The following KAZN variants were observed in gnomAD, a reference collection of about 807,000 sequenced individuals.
KAZN encodes the protein kazrin, periplakin interacting protein, also known as kazrin.
In KAZN, 40 loss-of-function variants were observed where a neutral mutation model predicts 87.4. The ratio of observed to expected loss-of-function variants is 0.46; its 90% CI spans 0.36 to 0.60. The LOEUF (loss-of-function observed/expected upper bound fraction) is 0.60. Ranked by LOEUF, KAZN falls within the 20% of genes least tolerant of loss-of-function variation. The pLI, the probability that KAZN is intolerant of heterozygous loss-of-function variation, is 0.00. For missense variants in KAZN, 898 were observed against 1,073.9 expected (o/e 0.84, Z 2.29); for synonymous variants, 466 against 458.3 (o/e 1.02, Z -0.22).
chr1:14,440,781 C>G (rs1489445706), intron 2 of KAZN, among the ~76,000 whole-genome samples: 1 of 152,190 alleles, frequency 6.6e-6, no homozygotes, highest in Non-Finnish European at 1.5e-5. Flanking sequence ...TGAAGCCTGT[C>G]CTGGTCACCT....
intron 2 of KAZN, among the ~76,000 whole-genome samples, chr1:14,326,942 G>A (rs1293473359): frequency 1.3e-5 from 2 of 152,012 alleles, no homozygotes; most frequent in Admixed American, 6.6e-5. Flanking sequence ...TGCACTCATA[G>A]TACATAGTTA....
At chr1:13,906,987 A>G (rs1477320944) in intron 1 of KAZN, among the ~76,000 whole-genome samples, 1 of 152,230 alleles carries the variant, frequency 6.6e-6, no homozygotes, top group Non-Finnish European at 1.5e-5. Context: ...GCAAAGTGAA[A>G]TACCCAGTGT....
intron 2 of KAZN, among the ~76,000 whole-genome samples, chr1:14,426,765 T>C (rs759316138): frequency 3.9e-5 from 6 of 152,046 alleles, no homozygotes; most frequent in Non-Finnish European, 5.9e-5. Flanking sequence ...GCTGAGAAGG[T>C]CAGAGCTAGG....
intron 1 of KAZN, among the ~76,000 whole-genome samples, chr1:13,903,832 A>G (rs1468250513): frequency 1.3e-5 from 2 of 152,132 alleles, no homozygotes; most frequent in Non-Finnish European, 2.9e-5. Flanking sequence ...GCTCTTAGCT[A>G]CTTGAAAAGA....
intron 1 of KAZN, among the ~76,000 whole-genome samples, chr1:14,798,508 AGCTCC>A (rs1399295033): frequency 4.6e-5 from 2 of 43,672 alleles, no homozygotes; most frequent in Non-Finnish European, 7.1e-5. Context: ...GCTCACTGCA[AGCTCC>A]ACTTTCCACT....
chr1:14,632,830 G>C (rs1009033826), intron 1 of KAZN, among the ~76,000 whole-genome samples: 1 of 152,094 alleles, frequency 6.6e-6, no homozygotes, highest in Non-Finnish European at 1.5e-5. Context: ...GTGGACCGTG[G>C]CGTGACCTGA....
At chr1:14,188,236 T>TGTGTGTGTGA (rs1406316215) in intron 2 of KAZN, among the ~76,000 whole-genome samples, 1 of 139,204 alleles carries the variant, frequency 7.2e-6, no homozygotes, top group South Asian at 2.3e-4. Context: ...TGTGTGTGTG[T>TGTGTGTGTGA]GAAAGAGAAG....
At position 14,037,780 on chromosome 1, in the gene KAZN, G is replaced by A. The variant is rs143029705; in HGVS notation, c.92-142655G>A. Reference sequence around the variant, plus strand: ...TCTCCCAGCCGTGCTGCCTGAGTTGGTTTCTTCATTTGTGTCCACACCCTG... The same window carrying A: ...TCTCCCAGCCGTGCTGCCTGAGTTGATTTCTTCATTTGTGTCCACACCCTG... On this transcript the variant is annotated intron_variant, in intron 1 of 16. Coordinates refer to the KAZN transcript ENST00000636203. Among the ~76,000 whole-genome samples, 114 of 152,254 alleles carry A rather than the reference G, an allele frequency of 7.5e-4. No homozygotes were observed. In the East Asian group the frequency reaches 0.019, roughly 25 times the overall value.
chr1:13,901,638 A>G (rs1282776517), intron 1 of KAZN, among the ~76,000 whole-genome samples: 2 of 152,254 alleles, frequency 1.3e-5, no homozygotes, highest in Non-Finnish European at 2.9e-5. Context: ...ACCAGGTTAC[A>G]AGCTCTGGCT....
intron 1 of KAZN, among the ~76,000 whole-genome samples, chr1:14,803,653 A>T (rs1175236724): frequency 6.6e-6 from 1 of 152,110 alleles, no homozygotes; most frequent in Non-Finnish European, 1.5e-5. Context: ...GGGCCCCCAA[A>T]ATCCCTCTTC....
rs376429981 is a variant in KAZN, at chr1:14,168,321, C to G, written c.92-12114C>G. 2.0e-5 allele frequency among the ~76,000 whole-genome samples: 3 copies of G among 152,232 alleles called. No homozygotes were observed. The South Asian group carries it at 6.2e-4, about 32-fold the overall frequency. ...GAAAAGTGAAGCTGTTTGGAATGCC[C>G]GTGGAACAAGGCATGGTTAGATCCC... On this transcript the variant is annotated intron_variant, in intron 1 of 16. Coordinates refer to the KAZN transcript ENST00000636203.
chr1:14,600,515 T>TG (rs527618852), intron 1 of KAZN, among the ~76,000 whole-genome samples: 1 of 151,966 alleles, frequency 6.6e-6, no homozygotes, highest in South Asian at 2.1e-4. Context: ...TCTTAGGAAT[T>TG]GGGGGGAGTA....
chr1:14,170,980 G>A (rs917079918), intron 1 of KAZN, among the ~76,000 whole-genome samples: 2 of 152,110 alleles, frequency 1.3e-5, no homozygotes, highest in Admixed American at 6.5e-5. Context: ...CCAAAGTGCT[G>A]GGATTACGGG....
In KAZN at chr1:14,585,321, A is replaced by G. The variant is rs531772700; in HGVS notation, c.250-13662A>G. Among the ~76,000 whole-genome samples the G allele has an allele frequency of 5.9e-5, 9 of 152,334 alleles. No individual in the cohort carries two copies. The South Asian group carries it at 1.5e-3, about 25-fold the overall frequency. On this transcript the variant is annotated intron_variant, in intron 2 of 16. Coordinates refer to the KAZN transcript ENST00000636203. ...TGTTAGTCAGCTTTTGCTGTGCAACAAACAGCCTCAGAATCTCAGTGGCTT... is the reference window on the plus strand; with the variant it reads ...TGTTAGTCAGCTTTTGCTGTGCAACGAACAGCCTCAGAATCTCAGTGGCTT...
rs1472519952 is a variant in KAZN at position 14,755,503 on chromosome 1, A to G, written c.226+156280A>G. Among the ~76,000 whole-genome samples the G allele has an allele frequency of 1.3e-4, 20 of 152,216 alleles. 1 individual carries two copies. The highest frequency in any genetic ancestry group is 1.3e-3 in the Admixed American group (20 of 15,286). The stretch of plus-strand genomic sequence containing the variant: ...GATTTTTTTTAAAGGAAGGAGGAGA[A>G]CAGCGCTCCTGGGAAGTTACGATCT... On this transcript the variant is annotated intron_variant, in intron 1 of 14. Coordinates refer to ENST00000376030, the MANE Select transcript of KAZN (RefSeq NM_201628.3).
intron 13 of KAZN, among the ~76,000 whole-genome samples, chr1:15,109,496 G>A (rs1487657268): frequency 2.6e-5 from 4 of 152,152 alleles, no homozygotes; most frequent in Admixed American, 6.5e-5. Flanking sequence ...CTCCAACCAC[G>A]TCTGTGTCCC....
intron 1 of KAZN, among the ~76,000 whole-genome samples, chr1:14,843,182 A>G (rs138142824): frequency 0.012 from 1,854 of 152,304 alleles, 63 homozygotes; most frequent in Admixed American, 0.079. Flanking sequence ...CTGCTGTCCT[A>G]TTCAAGTCGA....
At chr1:14,080,222 A>G (rs1643619314) in intron 1 of KAZN, among the ~76,000 whole-genome samples, 2 of 148,010 alleles carry the variant, frequency 1.4e-5, no homozygotes, top group Admixed American at 6.7e-5. Context: ...GGAAATACCC[A>G]AGGAATGAGT....
intron 2 of KAZN, among the ~76,000 whole-genome samples, chr1:14,526,993 G>T (rs1571865202): frequency 6.6e-6 from 1 of 152,160 alleles, no homozygotes; most frequent in Admixed American, 6.5e-5. Context: ...CCTCTTATAG[G>T]TAGTTAATTA....
Sources: gnomAD v4.1 joint callset for allele counts (sites outside exome capture counted in the v4.1 genomes callset) on GRCh38, gnomAD v4.1.1 for gene constraint, MANE v1.5 for transcripts, NCBI Gene and HGNC (gene_info 2026-07-23, HGNC 2026-07-21) for gene names.